Variants in EPB41L4B observed in about 807,000 individuals in gnomAD.
The protein encoded by EPB41L4B is erythrocyte membrane protein band 4.1 like 4B.
Under a neutral mutation model 112.5 loss-of-function variants are expected in EPB41L4B, and 30 were observed. That is an observed-to-expected ratio of 0.27 (90% CI 0.20 to 0.36). The LOEUF (loss-of-function observed/expected upper bound fraction) is 0.36, where lower values mean the gene tolerates loss of function less well. Among genes scored for constraint, EPB41L4B ranks in the 10% least tolerant of loss-of-function variants. The probability of loss-of-function intolerance (pLI) is 1.00; values close to 1 mark genes in which losing one functional copy is unlikely to be tolerated. For synonymous variants in EPB41L4B, 408 were observed against 439.7 expected, an observed-to-expected ratio of 0.93 and a Z score of 0.90; for missense variants, 1,024 against 1,133.3, an observed-to-expected ratio of 0.90 and a Z score of 1.38.
intron 15 of EPB41L4B, among the ~76,000 whole-genome samples, chr9:109,242,893 AAC>A (rs1321006760): frequency 2.6e-5 from 4 of 151,680 alleles, no homozygotes; most frequent in Admixed American, 1.3e-4. Context: ...CCTAACTATA[AAC>A]ACAGTCCAGC....
chr9:109,192,191 C>A, intron 22 of EPB41L4B, 87 bp downstream of exon 22: 1 of 1,050,910 alleles, frequency 9.5e-7, no homozygotes, highest in Non-Finnish European at 1.4e-6. Context: ...TCCTCAACAG[C>A]AATGCCCACC....
intron 22 of EPB41L4B, among the ~76,000 whole-genome samples, chr9:109,189,133 T>A (rs1202695680): frequency 1.3e-5 from 2 of 152,188 alleles, no homozygotes; most frequent in African/African-American, 2.4e-5. Flanking sequence ...CCTCCTTCCC[T>A]TCTCACCCAC....
chr9:109,306,955 A>C (rs1837225312), intron 1 of EPB41L4B, among the ~76,000 whole-genome samples: 1 of 151,460 alleles, frequency 6.6e-6, no homozygotes, highest in African/African-American at 2.4e-5. Flanking sequence ...CAACGCCCAT[A>C]CATTTGACCA....
chr9:109,298,346 C>A (rs1410318584), intron 1 of EPB41L4B, among the ~76,000 whole-genome samples: 1 of 144,280 alleles, frequency 6.9e-6, no homozygotes, highest in Admixed American at 7.2e-5. Flanking sequence ...CAAGGTCTTG[C>A]TCTGTCACCC....
chr9:109,301,643 A>T (rs1165651471), intron 1 of EPB41L4B, among the ~76,000 whole-genome samples: 4 of 152,234 alleles, frequency 2.6e-5, no homozygotes, highest in African/African-American at 9.6e-5. Flanking sequence ...AATTTCACTC[A>T]GTATAATGCA....
chr9:109,239,643 T>C (rs745549703), intron 15 of EPB41L4B: 124 of 184,276 alleles, frequency 6.7e-4, no homozygotes, highest in Non-Finnish European at 1.1e-3. Context: ...GAATGAAAAG[T>C]GTACACTTCA....
intron 15 of EPB41L4B, among the ~76,000 whole-genome samples, chr9:109,227,192 A>G (rs1314935636): frequency 4.6e-5 from 7 of 152,034 alleles, no homozygotes; most frequent in Non-Finnish European, 8.8e-5. Flanking sequence ...TGTCTTAATT[A>G]CTTTTGTTTT....
At chr9:109,252,608 A>G (rs1834830960) in intron 12 of EPB41L4B, among the ~76,000 whole-genome samples, 1 of 152,182 alleles carries the variant, frequency 6.6e-6, no homozygotes, top group Non-Finnish European at 1.5e-5. Context: ...AGAGGTACCA[A>G]GTCCCATGGA....
intron 1 of EPB41L4B, among the ~76,000 whole-genome samples, chr9:109,294,700 GTGTGTGTA>G (rs1220479941): frequency 6.7e-6 from 1 of 148,214 alleles, no homozygotes; most frequent in Non-Finnish European, 1.5e-5. Flanking sequence ...GTGTGTGTGT[GTGTGTGTA>G]TAAGTATTTA....
At chr9:109,270,252 G>T (rs1015091536) in intron 2 of EPB41L4B, among the ~76,000 whole-genome samples, 1 of 152,116 alleles carries the variant, frequency 6.6e-6, no homozygotes, top group African/African-American at 2.4e-5. Context: ...AAAAAAATCA[G>T]GTGGAATCTC....
At position 109,279,848 on chromosome 9, in the gene EPB41L4B, C is replaced by T. The variant is rs371517315; in HGVS notation, c.380G>A (p.Gly127Asp). The change falls in exon 2 of 26, where the codon GGC becomes GAC. Residue 127 changes from glycine to aspartate, a missense_variant. Transcript: ENST00000374566. ...CTGGGCAGAGTCGAGGAACTGGAGG[C>T]CAAAGTAATCTGTTTCCACAAGGTC... ...HLDLVETDYF[G>D]LQFLDSAQVA... 9.9e-6 allele frequency: 16 copies of T among 1,614,062 alleles called. No individual in the cohort carries two copies. In the African/African-American group the frequency reaches 2.0e-4, roughly 20 times the overall value.
intron 22 of EPB41L4B, among the ~76,000 whole-genome samples, chr9:109,187,080 G>A (rs1299392054): frequency 6.6e-6 from 1 of 152,150 alleles, no homozygotes; most frequent in Non-Finnish European, 1.5e-5. Context: ...TGTTAGGAGA[G>A]GGAACCACGG....
intron 1 of EPB41L4B, among the ~76,000 whole-genome samples, chr9:109,307,672 T>A (rs1418889984): frequency 6.6e-6 from 1 of 152,184 alleles, no homozygotes; most frequent in Non-Finnish European, 1.5e-5. Context: ...GAATGGGCTG[T>A]CAAGAGTGCG....
intron 21 of EPB41L4B, among the ~76,000 whole-genome samples, 166 bp from the exon 22 acceptor site, chr9:109,192,521 C>T (rs771236088): frequency 6.6e-6 from 1 of 152,192 alleles, no homozygotes; most frequent in Admixed American, 6.5e-5. Context: ...AATGTTGAGA[C>T]TTGAACCCCA....
Position 109,192,023 on chromosome 9 carries a change from G to A in EPB41L4B, c.2301+255C>T, listed in dbSNP as rs149120407. ...AACACCGAGGAGCCCTATAACACTC[G>A]AAGTGCAGTAGACAGGCATGGGCAG... is the stretch of plus-strand genomic sequence containing the variant. On this transcript the variant is annotated intron_variant, in intron 22 of 25. Transcript: ENST00000374566. 3.2e-3 allele frequency among the ~76,000 whole-genome samples: 485 copies of A among 152,276 alleles called. 1 individual carries two copies. Among genetic ancestry groups the A allele is most frequent in the Middle Eastern group, 0.014 (4 of 294 alleles).
At chr9:109,223,251 A>G (rs1012872049) in intron 15 of EPB41L4B, among the ~76,000 whole-genome samples, 6 of 151,986 alleles carry the variant, frequency 3.9e-5, no homozygotes, top group African/African-American at 1.4e-4. Flanking sequence ...ACCGGGCAAC[A>G]TGGGGTGATC....
At chr9:109,182,917 C>T in intron 23 of EPB41L4B, 120 bp from the exon 24 acceptor site, 1 of 710,068 alleles carries the variant, frequency 1.4e-6, no homozygotes, top group Non-Finnish European at 2.5e-6. Flanking sequence ...GCAGAGCCTT[C>T]ATCACTCGTG....
At chr9:109,261,694 T>C (rs1282644663) in intron 6 of EPB41L4B, among the ~76,000 whole-genome samples, 3 of 152,196 alleles carry the variant, frequency 2.0e-5, no homozygotes, top group African/African-American at 7.2e-5. Flanking sequence ...AACTCATAGC[T>C]AGAAATTCTG....
intron 1 of EPB41L4B, chr9:109,301,152 A>G (rs1049713713): frequency 3.9e-5 from 6 of 152,234 alleles, no homozygotes; most frequent in African/African-American, 1.4e-4. Flanking sequence ...CTTAGCCCCA[A>G]CGCCCTGAGA....
Sources: gnomAD v4.1 joint callset for allele counts (sites outside exome capture counted in the v4.1 genomes callset) on GRCh38, gnomAD v4.1.1 for gene constraint, MANE v1.5 for transcripts, NCBI Gene and HGNC (gene_info 2026-07-23, HGNC 2026-07-21) for gene names.